The following PCDH15 variants were observed in gnomAD, a reference collection of about 807,000 sequenced individuals.
PCDH15 encodes protocadherin-15.
Under a neutral mutation model 178.5 loss-of-function variants are expected in PCDH15, and 129 were observed. The ratio of observed to expected loss-of-function variants is 0.72; its 90% CI spans 0.63 to 0.84. The LOEUF (loss-of-function observed/expected upper bound fraction) is 0.84, where lower values mean the gene tolerates loss of function less well. Among genes scored for constraint, PCDH15 ranks in the 40% least tolerant of loss-of-function variants. The pLI is 0.00. For synonymous variants in PCDH15, 800 were observed against 732.0 expected (o/e 1.09, Z -1.50); for missense variants, 2,230 against 2,099.9 (o/e 1.06, Z -1.21).
chr10:54,346,231 A>G (rs1943254404), intron 6 of PCDH15, 134 bp downstream of exon 6: 2 of 840,844 alleles, frequency 2.4e-6, no homozygotes, highest in African/African-American at 3.4e-5. Flanking sequence ...TTCAATTTTG[A>G]GACATTTTTA....
chr10:53,941,100 T>C (rs543818097), intron 23 of PCDH15, 125 bp from the exon 24 acceptor site: 2 of 681,184 alleles, frequency 2.9e-6, no homozygotes, highest in East Asian at 2.8e-5. Context: ...CACACATTCA[T>C]GGCCTCCTCC....
At chr10:55,288,680 C>T (rs1162473830) in intron 1 of PCDH15, among the ~76,000 whole-genome samples, 2 of 151,950 alleles carry the variant, frequency 1.3e-5, no homozygotes, top group Non-Finnish European at 2.9e-5. Context: ...TTTCCAGGTT[C>T]ATCCATGTCG....
At chr10:54,121,833 G>T (rs1336621335) in intron 15 of PCDH15, among the ~76,000 whole-genome samples, 1 of 151,930 alleles carries the variant, frequency 6.6e-6, no homozygotes, top group Admixed American at 6.6e-5. Context: ...CCAAAAAACA[G>T]TAATAATAAG....
intron 18 of PCDH15, among the ~76,000 whole-genome samples, chr10:54,040,588 G>A (rs544897369): frequency 5.3e-5 from 8 of 152,084 alleles, no homozygotes; most frequent in Non-Finnish European, 7.4e-5. Flanking sequence ...GAATGAAGTT[G>A]GATGTTGAAT....
chr10:54,197,801 TTTATA>T (rs1216717551), intron 10 of PCDH15, among the ~76,000 whole-genome samples: 1 of 152,170 alleles, frequency 6.6e-6, no homozygotes, highest in Non-Finnish European at 1.5e-5. Flanking sequence ...CTTCATATTA[TTTATA>T]TTGAAGATTT....
chr10:53,892,471 A>G (rs1399725371), intron 26 of PCDH15, among the ~76,000 whole-genome samples: 1 of 152,206 alleles, frequency 6.6e-6, no homozygotes, highest in African/African-American at 2.4e-5. Flanking sequence ...ATTGTTTGCT[A>G]GGAGAATGAT....
At chr10:54,949,100 T>G (rs927366365) in intron 2 of PCDH15, among the ~76,000 whole-genome samples, 1 of 151,938 alleles carries the variant, frequency 6.6e-6, no homozygotes, top group Non-Finnish European at 1.5e-5. Flanking sequence ...ATATTATGAG[T>G]GTCTTTGATT....
chr10:54,834,140 A>G (rs1267598791), intron 3 of PCDH15, among the ~76,000 whole-genome samples: 1 of 151,920 alleles, frequency 6.6e-6, no homozygotes, highest in Non-Finnish European at 1.5e-5. Flanking sequence ...AGTGCCTAAC[A>G]CATTGCCTAC....
At chr10:54,977,307 C>G (rs1477863692) in intron 2 of PCDH15, among the ~76,000 whole-genome samples, 1 of 152,094 alleles carries the variant, frequency 6.6e-6, no homozygotes, top group African/African-American at 2.4e-5. Flanking sequence ...TCATAAGATA[C>G]AGGTCTGCTG....
At position 55,201,155 on chromosome 10, in the gene PCDH15, C is replaced by T. The variant is rs1025851641; in HGVS notation, c.-155-34504G>A. 2.0e-5 allele frequency among the ~76,000 whole-genome samples: 3 copies of T among 152,064 alleles called. No individual in the cohort carries two copies. The South Asian group carries it at 6.2e-4, about 32-fold the overall frequency. On this transcript the variant is annotated intron_variant, in intron 1 of 5. Coordinates refer to the PCDH15 transcript ENST00000458638. The stretch of plus-strand genomic sequence containing the variant: ...AGATTTCAGGAAATTATTACTCTTT[C>T]TGCTAAGCAGCTACACTGATAGAAT...
intron 30 of PCDH15, among the ~76,000 whole-genome samples, chr10:53,829,831 G>A (rs1167484012): frequency 6.6e-6 from 1 of 152,060 alleles, no homozygotes. Context: ...GAATTGGAAG[G>A]TCCTACTTCT....
rs1017098573 is a variant in PCDH15 at position 54,203,208 on chromosome 10, C to T, written c.1099-7319G>A. Among the ~76,000 whole-genome samples, 5 of 152,146 alleles carry T rather than the reference C, an allele frequency of 3.3e-5. 1 individual carries two copies. Among genetic ancestry groups the T allele is most frequent in the East Asian group, 3.9e-4 (2 of 5,190 alleles). Reference sequence around the variant, plus strand: ...AATTATCAACTGTGTAGGTTCAACACCACTAAAATTGTCATGTGACTCTAG... The same window carrying T: ...AATTATCAACTGTGTAGGTTCAACATCACTAAAATTGTCATGTGACTCTAG... On this transcript the variant is annotated intron_variant, in intron 10 of 37. Coordinates refer to ENST00000644397, the MANE Select transcript of PCDH15 (RefSeq NM_001384140.1).
At chr10:54,731,545 G>GATAGATATATATATATATATAT (rs1555172505) in intron 1 of PCDH15, among the ~76,000 whole-genome samples, 5 of 80,256 alleles carry the variant, frequency 6.2e-5, no homozygotes, top group African/African-American at 9.4e-5. Context: ...ATGTGAGATA[G>GATAGATATATATATATATATAT]ATATATATAT....
intron 2 of PCDH15, among the ~76,000 whole-genome samples, chr10:55,455,044 T>C (rs533041701): frequency 6.6e-6 from 1 of 152,244 alleles, no homozygotes; most frequent in South Asian, 2.1e-4. Flanking sequence ...TACCTAGATA[T>C]TGCTCTGTGC....
rs61735473 is a variant in PCDH15, at chr10:54,185,214, C to T, written c.1360G>A (p.Val454Ile). ...FLNDYTSVFT[V>I]TQTGITRYLT... is the part of the protein sequence containing the mutation. ...TAGCGAGTAATACCAGTCTGTGTGA[C>T]GGTGAAGACTGAGGTGTAGTCATTC... The change falls in exon 12 of 38, where the codon GTC (valine) becomes ATC (isoleucine). Residue 454 changes from valine (V) to isoleucine (I), a missense_variant. Transcript: ENST00000644397. 1.9e-3 allele frequency: 3,034 copies of T among 1,613,434 alleles called. 42 individuals carry two copies. In the African/African-American group the frequency reaches 0.033, roughly 17 times the overall value.
chr10:54,178,215 G>A (rs1181523862), intron 13 of PCDH15, among the ~76,000 whole-genome samples: 2 of 151,954 alleles, frequency 1.3e-5, no homozygotes, highest in African/African-American at 2.4e-5. Flanking sequence ...ATAGACTGAT[G>A]GGATATCTAA....
chr10:55,230,744 G>A (rs546994185), intron 1 of PCDH15, among the ~76,000 whole-genome samples: 2 of 152,006 alleles, frequency 1.3e-5, no homozygotes, highest in Non-Finnish European at 2.9e-5. Flanking sequence ...TGCTCGATTT[G>A]TTGGTGGCTG....
At chr10:54,100,279 C>T (rs962845899) in intron 15 of PCDH15, among the ~76,000 whole-genome samples, 2 of 151,646 alleles carry the variant, frequency 1.3e-5, no homozygotes, top group Admixed American at 6.6e-5. Flanking sequence ...GCAGGAGAAT[C>T]GCTTGAACCC....
chr10:54,478,855 T>C (rs2078478472), intron 3 of PCDH15, among the ~76,000 whole-genome samples: 1 of 152,056 alleles, frequency 6.6e-6, no homozygotes, highest in Admixed American at 6.6e-5. Flanking sequence ...AATGGTAACA[T>C]ATTGTGTTGC....
Sources: gnomAD v4.1 joint callset for allele counts (sites outside exome capture counted in the v4.1 genomes callset) on GRCh38, gnomAD v4.1.1 for gene constraint, MANE v1.5 for transcripts, NCBI Gene and HGNC (gene_info 2026-07-23, HGNC 2026-07-21) for gene names.